Variants in CTNNA2 observed in about 807,000 individuals in gnomAD.
CTNNA2 encodes catenin alpha-2.
A neutral mutation model predicts 101.0 loss-of-function variants in CTNNA2; 42 were observed. The ratio of observed to expected loss-of-function variants is 0.42; its 90% CI spans 0.32 to 0.54. CTNNA2 has a LOEUF of 0.54. CTNNA2 is among the 20% of genes least tolerant of loss of function. The pLI, the probability that CTNNA2 is intolerant of heterozygous loss-of-function variation, is 0.14. For synonymous variants in CTNNA2, 450 were observed against 456.4 expected (o/e 0.99, Z 0.18); for missense variants, 871 against 1,223.1 (o/e 0.71, Z 4.29).
intron 1 of CTNNA2, among the ~76,000 whole-genome samples, chr2:79,598,796 C>G: frequency 6.6e-6 from 1 of 152,078 alleles, no homozygotes; most frequent in East Asian, 1.9e-4. Context: ...TTGGAGCAGA[C>G]ATTTTAAATT....
At chr2:79,852,781 A>G (rs538917745) in intron 3 of CTNNA2, among the ~76,000 whole-genome samples, 4 of 152,098 alleles carry the variant, frequency 2.6e-5, no homozygotes, top group African/African-American at 9.6e-5. Context: ...TAGTAGAGAC[A>G]GGATTTCACC....
At chr2:80,183,567 G>A (rs964735073) in intron 7 of CTNNA2, among the ~76,000 whole-genome samples, 6 of 152,192 alleles carry the variant, frequency 3.9e-5, no homozygotes, top group East Asian at 1.9e-4. Context: ...TTGAAAGCCC[G>A]CCTTCTGTTC....
intron 1 of CTNNA2, among the ~76,000 whole-genome samples, chr2:79,616,868 C>T (rs974612403): frequency 6.6e-6 from 1 of 151,672 alleles, no homozygotes; most frequent in Non-Finnish European, 1.5e-5. Context: ...TCATTTTCCC[C>T]TCTTCTTTCT....
intron 7 of CTNNA2, among the ~76,000 whole-genome samples, chr2:80,337,199 C>T (rs1246686025): frequency 1.3e-5 from 2 of 151,978 alleles, no homozygotes; most frequent in African/African-American, 4.8e-5. Flanking sequence ...ACTAAAAATA[C>T]AAAACATTAG....
At chr2:80,438,405 T>G (rs542516641) in intron 9 of CTNNA2, among the ~76,000 whole-genome samples, 1 of 148,726 alleles carries the variant, frequency 6.7e-6, no homozygotes, top group African/African-American at 2.6e-5. Context: ...GTTTTTTTTT[T>G]TCCGTTTGTT....
intron 2 of CTNNA2, among the ~76,000 whole-genome samples, chr2:79,289,162 G>T (rs750946346): frequency 5.3e-5 from 8 of 152,068 alleles, no homozygotes; most frequent in Non-Finnish European, 1.0e-4. Flanking sequence ...TGTCATTATT[G>T]TCTTTGTGAT....
At chr2:80,359,104 A>G (rs998451422) in intron 7 of CTNNA2, among the ~76,000 whole-genome samples, 25 of 152,042 alleles carry the variant, frequency 1.6e-4, no homozygotes, top group Non-Finnish European at 1.5e-4. Flanking sequence ...GCTGAGTATG[A>G]TGGCTCACAC....
intron 7 of CTNNA2, among the ~76,000 whole-genome samples, chr2:80,096,043 T>G (rs570486673): frequency 0.013 from 1,968 of 152,134 alleles, 40 homozygotes; most frequent in African/African-American, 0.045. Context: ...TGCCTTCTGC[T>G]AGCTTTTGAA....
At chr2:80,588,803 C>A (rs959317138) in intron 14 of CTNNA2, among the ~76,000 whole-genome samples, 2 of 152,138 alleles carry the variant, frequency 1.3e-5, no homozygotes, top group South Asian at 4.1e-4. Context: ...TCTGTAGACA[C>A]CTTCACTTAC....
chr2:79,833,993 C>G (rs1239865772), intron 3 of CTNNA2, among the ~76,000 whole-genome samples: 1 of 152,090 alleles, frequency 6.6e-6, no homozygotes, highest in Non-Finnish European at 1.5e-5. Flanking sequence ...CATAAATTAA[C>G]TATTTTCTTA....
intron 3 of CTNNA2, among the ~76,000 whole-genome samples, chr2:79,331,964 C>A (rs894958232): frequency 6.6e-6 from 1 of 152,138 alleles, no homozygotes. Context: ...TTAGAATTGT[C>A]TGACCATAGG....
At chr2:80,093,339 A>C (rs1375078955) in intron 7 of CTNNA2, among the ~76,000 whole-genome samples, 1 of 152,020 alleles carries the variant, frequency 6.6e-6, no homozygotes, top group African/African-American at 2.4e-5. Context: ...TGAACTCATC[A>C]TTTTTTATGG....
intron 3 of CTNNA2, among the ~76,000 whole-genome samples, chr2:79,811,712 C>G (rs542869478): frequency 8.5e-5 from 13 of 152,102 alleles, no homozygotes; most frequent in African/African-American, 3.1e-4. Context: ...AGTTTCTTTG[C>G]TTTTCTACAT....
intron 1 of CTNNA2, among the ~76,000 whole-genome samples, chr2:79,191,767 T>A (rs907481645): frequency 2.0e-5 from 3 of 152,140 alleles, no homozygotes; most frequent in African/African-American, 7.2e-5. Flanking sequence ...GGGCTAGGAA[T>A]GTTCATGAGG....
intron 7 of CTNNA2, among the ~76,000 whole-genome samples, chr2:80,080,738 T>A (rs1026814245): frequency 1.8e-4 from 27 of 152,102 alleles, no homozygotes; most frequent in African/African-American, 6.5e-4. Context: ...CAGTCCCCAG[T>A]GACCTTTGTT....
chr2:79,339,224 G>A (rs1677075062), intron 3 of CTNNA2, among the ~76,000 whole-genome samples: 3 of 152,124 alleles, frequency 2.0e-5, no homozygotes, highest in African/African-American at 7.2e-5. Context: ...GAACTAACTG[G>A]AGATCTAGGA....
chr2:79,186,391 G>C (rs1418146797), intron 1 of CTNNA2, among the ~76,000 whole-genome samples: 10 of 152,182 alleles, frequency 6.6e-5, no homozygotes, highest in Admixed American at 5.9e-4. Context: ...TGCTTCATAA[G>C]AGATGAGCAC....
At chr2:79,350,157 A>G (rs1469236194) in intron 3 of CTNNA2, among the ~76,000 whole-genome samples, 1 of 151,330 alleles carries the variant, frequency 6.6e-6, no homozygotes. Context: ...TCAGATTCAT[A>G]GGGTACATGT....
chr2:80,453,263 G>A (rs1683670008), intron 9 of CTNNA2, among the ~76,000 whole-genome samples: 1 of 152,090 alleles, frequency 6.6e-6, no homozygotes. Context: ...GGTCATTACT[G>A]GCCATGGTTG....
Sources: allele counts gnomAD v4.1 joint callset (sites outside exome capture counted in the v4.1 genomes callset), GRCh38; gene constraint gnomAD v4.1.1; transcripts MANE v1.5; gene names NCBI Gene and HGNC (gene_info 2026-07-23, HGNC 2026-07-21).